Variants in GPBP1 observed in about 807,000 individuals in gnomAD.
GPBP1 encodes vasculin.
A neutral mutation model predicts 56.5 loss-of-function variants in GPBP1; 13 were observed. The observed-to-expected ratio is 0.23, with a 90% CI of 0.15 to 0.37. The LOEUF is 0.37. Among genes scored for constraint, GPBP1 ranks in the 10% least tolerant of loss-of-function variants. The pLI is 1.00. For synonymous variants in GPBP1, 204 were observed against 188.9 expected, an observed-to-expected ratio of 1.08 and a Z score of -0.66; for missense variants, 477 against 572.3, an observed-to-expected ratio of 0.83 and a Z score of 1.70.
rs375990499 is a variant in GPBP1, at chr5:57,249,426, C to T, written c.822C>T (p.Ser274=). The part of the protein sequence containing the change: ...NSVKECNRSN[S]SSPVDKLNQQ... ...CCTCTTAGTGTAATCGCTCAAATTC[C>T]TCTTCTCCTGTTGACAAACTTAATC... The change falls in exon 9 of 12, where the codon TCC becomes TCT. Residue 274 remains serine (S), a synonymous_variant. Coordinates refer to ENST00000506184, the MANE Select transcript of GPBP1 (RefSeq NM_022913.4). 8.7e-6 allele frequency: 14 copies of T among 1,601,124 alleles called. No individual in the cohort carries two copies. In the African/African-American group the frequency reaches 1.1e-4, roughly 12 times the overall value.
chr5:57,198,309 C>T (rs1316314064), intron 2 of GPBP1, among the ~76,000 whole-genome samples: 1 of 152,176 alleles, frequency 6.6e-6, no homozygotes, highest in East Asian at 1.9e-4. Context: ...CCAAAAATTT[C>T]ATGAAGTGGC....
chr5:57,192,092 T>C (rs1167161813), intron 2 of GPBP1, among the ~76,000 whole-genome samples: 1 of 152,188 alleles, frequency 6.6e-6, no homozygotes, highest in Non-Finnish European at 1.5e-5. Flanking sequence ...AAGGACGTTA[T>C]TTACTGAAGC....
chr5:57,221,423 C>G, intron 3 of GPBP1: 1 of 1,434,340 alleles, frequency 7.0e-7, no homozygotes, highest in Non-Finnish European at 9.6e-7. Context: ...GAATATTGAA[C>G]AGATATTGAA....
intron 2 of GPBP1, among the ~76,000 whole-genome samples, chr5:57,194,493 A>G (rs1041956335): frequency 6.6e-6 from 1 of 152,226 alleles, no homozygotes; most frequent in African/African-American, 2.4e-5. Context: ...GGTAGTGGGA[A>G]TATCACTTCA....
At chr5:57,181,586 G>A (rs1167793382) in intron 2 of GPBP1, among the ~76,000 whole-genome samples, 1 of 150,032 alleles carries the variant, frequency 6.7e-6, no homozygotes, top group African/African-American at 2.5e-5. Flanking sequence ...CCAGCCTAGG[G>A]AACATTTAAA....
intron 6 of GPBP1, among the ~76,000 whole-genome samples, chr5:57,239,055 G>A (rs1450170486): frequency 1.3e-5 from 2 of 152,192 alleles, no homozygotes; most frequent in Non-Finnish European, 2.9e-5. Context: ...CAGAATTAAG[G>A]GAAGGGAAAA....
chr5:57,214,247 A>C, intron 3 of GPBP1, 54 bp downstream of exon 3: 27 of 1,376,368 alleles, frequency 2.0e-5, no homozygotes, highest in Non-Finnish European at 2.7e-5. Context: ...CATTTTTTAC[A>C]CAAATGTAAT....
chr5:57,207,195 A>G (rs188462481), intron 2 of GPBP1, among the ~76,000 whole-genome samples: 31 of 152,326 alleles, frequency 2.0e-4, no homozygotes, highest in African/African-American at 7.0e-4. Context: ...GTAAGTTTTG[A>G]AATAGGGAAG....
rs565483065 is a variant in GPBP1 at position 57,218,887 on chromosome 5, A to G, written c.63+4694A>G. ...TTATAAAATTCTCCTATAGAATATA[A>G]TTTTAGGGTTTGAAGATGGATCTTA... On this transcript the variant is annotated intron_variant, in intron 3 of 11. Coordinates refer to ENST00000506184, the MANE Select transcript of GPBP1 (RefSeq NM_022913.4). Among the ~76,000 whole-genome samples the G allele has an allele frequency of 3.9e-5, 6 of 152,332 alleles. No individual in the cohort carries two copies. In the South Asian group the frequency reaches 1.2e-3, roughly 32 times the overall value.
intron 8 of GPBP1, among the ~76,000 whole-genome samples, chr5:57,247,899 G>A (rs1237965071): frequency 1.3e-5 from 2 of 151,748 alleles, no homozygotes; most frequent in Non-Finnish European, 2.9e-5. Flanking sequence ...GCTTGCCACT[G>A]GGCCAGCTAA....
At chr5:57,228,594 A>T (rs1756298971) in intron 3 of GPBP1, among the ~76,000 whole-genome samples, 1 of 151,072 alleles carries the variant, frequency 6.6e-6, no homozygotes. Flanking sequence ...GGGCATATAG[A>T]TCTGTCTCTA....
At chr5:57,177,398 T>C (rs1371163896) in intron 2 of GPBP1, among the ~76,000 whole-genome samples, 1 of 152,190 alleles carries the variant, frequency 6.6e-6, no homozygotes, top group Non-Finnish European at 1.5e-5. Context: ...AATTTAATTT[T>C]TAGGCAGTTA....
chr5:57,243,360 T>A (rs1331097302), intron 6 of GPBP1, among the ~76,000 whole-genome samples: 2 of 152,022 alleles, frequency 1.3e-5, no homozygotes, highest in Non-Finnish European at 2.9e-5. Context: ...GCACCGTGCC[T>A]GGCCTAATAC....
At chr5:57,261,111 C>A in intron 10 of GPBP1, 69 bp from the exon 11 acceptor site, 2 of 958,626 alleles carry the variant, frequency 2.1e-6, no homozygotes, top group African/African-American at 1.6e-5. Flanking sequence ...TTTTCTTATA[C>A]ATAATGTAAA....
chr5:57,243,012 G>A (rs1028112823), intron 6 of GPBP1, among the ~76,000 whole-genome samples: 2 of 151,466 alleles, frequency 1.3e-5, no homozygotes, highest in African/African-American at 4.9e-5. Context: ...GCCTCCCAAA[G>A]TGTTGGGATT....
At chr5:57,231,411 T>C in intron 5 of GPBP1, 90 bp downstream of exon 5, 1 of 1,011,984 alleles carries the variant, frequency 9.9e-7, no homozygotes, top group Non-Finnish European at 1.4e-6. Context: ...GTATCTGGGA[T>C]TACAGGCATC....
intron 2 of GPBP1, among the ~76,000 whole-genome samples, chr5:57,180,510 C>A (rs961982124): frequency 6.6e-6 from 1 of 152,114 alleles, no homozygotes; most frequent in Non-Finnish European, 1.5e-5. Flanking sequence ...ACGTTTAGAT[C>A]TATCAATGTT....
chr5:57,216,443 C>T (rs1449731562), intron 3 of GPBP1, among the ~76,000 whole-genome samples: 5 of 152,078 alleles, frequency 3.3e-5, no homozygotes, highest in East Asian at 1.9e-4. Flanking sequence ...ACACCGTGGT[C>T]GGGCGTGGTG....
intron 6 of GPBP1, among the ~76,000 whole-genome samples, chr5:57,244,366 A>G (rs1740984951): frequency 2.6e-5 from 4 of 152,260 alleles, no homozygotes. Context: ...TAATTTTAAT[A>G]TAAGAATCTA....
Sources: gnomAD v4.1 joint callset for allele counts (sites outside exome capture counted in the v4.1 genomes callset) on GRCh38, gnomAD v4.1.1 for gene constraint, MANE v1.5 for transcripts, NCBI Gene and HGNC (gene_info 2026-07-23, HGNC 2026-07-21) for gene names.